Variants in PTH2R observed in about 807,000 individuals in gnomAD.
PTH2R encodes the protein parathyroid hormone 2 receptor.
Under a neutral mutation model 60.3 loss-of-function variants are expected in PTH2R, and 59 were observed. That is an observed-to-expected ratio of 0.98 (90% confidence interval 0.79 to 1.22). PTH2R has a LOEUF of 1.22. Among genes scored for constraint, PTH2R ranks in the 50% most tolerant of loss-of-function variants. PTH2R has a pLI of 0.00. For synonymous variants in PTH2R, 256 were observed against 243.8 expected (o/e 1.05, Z -0.47); for missense variants, 749 against 682.6 (o/e 1.10, Z -1.08).
At chr2:208,362,822 A>G (rs12991283) in intron 1 of PTH2R, among the ~76,000 whole-genome samples, 19,567 of 137,558 alleles carry the variant, frequency 0.14, 1,450 homozygotes, top group African/African-American at 0.22. Context: ...CTCTACATCC[A>G]TACCAACACT....
intron 7 of PTH2R, among the ~76,000 whole-genome samples, chr2:208,448,076 G>T (rs367652397): frequency 6.6e-6 from 1 of 152,030 alleles, no homozygotes; most frequent in Admixed American, 6.6e-5. Context: ...ATCTTACATA[G>T]AATATTTTCA....
intron 10 of PTH2R, among the ~76,000 whole-genome samples, chr2:208,482,324 C>A (rs1365279105): frequency 6.6e-6 from 1 of 152,170 alleles, no homozygotes; most frequent in African/African-American, 2.4e-5. Context: ...ATAGTGAAAG[C>A]TGGGTCCAGG....
chr2:208,400,862 G>A (rs537317912), intron 1 of PTH2R, among the ~76,000 whole-genome samples: 14 of 152,252 alleles, frequency 9.2e-5, no homozygotes, highest in Admixed American at 6.5e-4. Flanking sequence ...TTAACCAGAT[G>A]TATATGTATC....
At chr2:208,402,750 C>T (rs1336944257), upstream of PTH2R, among the ~76,000 whole-genome samples, 1 of 152,130 alleles carries the variant, frequency 6.6e-6, no homozygotes, top group East Asian at 1.9e-4. Context: ...TTGAGTGATC[C>T]TTTGGTTTAA....
chr2:208,363,166 C>G (rs1700512172), intron 1 of PTH2R, among the ~76,000 whole-genome samples: 1 of 151,992 alleles, frequency 6.6e-6, no homozygotes, highest in Non-Finnish European at 1.5e-5. Context: ...TTTTTTGACC[C>G]TCCCCCTTCT....
rs768931814 is a variant in PTH2R, at chr2:208,450,736, T to A, written c.854-13T>A. On this transcript the variant is annotated splice_polypyrimidine_tract_variant and intron_variant, in intron 7 of 12. Transcript: ENST00000272847. ...AAAATAAATCTAGTCTCTGAATCAT[T>A]TTCTGATTTCAGGGTTTCCAGCAGC... The A allele has an allele frequency of 1.5e-5, 25 of 1,613,242 alleles. No individual in the cohort carries two copies. The Admixed American group carries it at 4.2e-4, about 27-fold the overall frequency.
Position 208,443,511 on chromosome 2 carries a change from G to T in PTH2R, c.673G>T (p.Ala225Ser), listed in dbSNP as rs144641723. 3.0e-3 allele frequency: 4,825 copies of T among 1,609,616 alleles called. 10 individuals carry two copies. Among genetic ancestry groups the T allele is most frequent in the Middle Eastern group, 4.8e-3 (29 of 6,042 alleles). The change falls in exon 6 of 13, where the codon GCA becomes TCA. Residue 225 changes from alanine to serine, a missense_variant. Transcript: ENST00000272847. ...MQDDPQNSIEATSVDKSQYIG... is the reference protein window; with the variant it reads ...MQDDPQNSIESTSVDKSQYIG... ...GGATGACCCACAAAATTCCATTGAG[G>T]CAACTTCTGTGGACAAATCACAATA...
chr2:208,456,155 T>C (rs1212990017), intron 8 of PTH2R, among the ~76,000 whole-genome samples: 1 of 151,746 alleles, frequency 6.6e-6, no homozygotes, highest in Non-Finnish European at 1.5e-5. Context: ...GGCAGGAGAA[T>C]CGCCTGAACT....
chr2:208,488,257 A>G (rs930958583), intron 10 of PTH2R, among the ~76,000 whole-genome samples: 3 of 152,350 alleles, frequency 2.0e-5, no homozygotes, highest in South Asian at 2.1e-4. Flanking sequence ...GTCAAGATGA[A>G]CTGACCACAT....
chr2:208,484,119 T>C (rs1703221258), intron 10 of PTH2R, among the ~76,000 whole-genome samples: 1 of 152,210 alleles, frequency 6.6e-6, no homozygotes, highest in Non-Finnish European at 1.5e-5. Context: ...AATAAAACAA[T>C]ACAAAATTTC....
intron 10 of PTH2R, among the ~76,000 whole-genome samples, chr2:208,481,550 T>A (rs1419413354): frequency 6.6e-6 from 1 of 152,162 alleles, no homozygotes; most frequent in Non-Finnish European, 1.5e-5. Flanking sequence ...ATAAATTGAT[T>A]TGAAATATCT....
At chr2:208,457,747 T>C (rs1373501526) in intron 8 of PTH2R, among the ~76,000 whole-genome samples, 1 of 152,206 alleles carries the variant, frequency 6.6e-6, no homozygotes, top group African/African-American at 2.4e-5. Context: ...AATGGCTGTC[T>C]TTTTATATAG....
At chr2:208,462,087 A>AT (rs1275268023) in intron 9 of PTH2R, among the ~76,000 whole-genome samples, 2 of 152,174 alleles carry the variant, frequency 1.3e-5, no homozygotes, top group Non-Finnish European at 2.9e-5. Flanking sequence ...ACTAAGAGTT[A>AT]CCTTTTTGTT....
chr2:208,477,661 T>A (rs938861455), intron 9 of PTH2R, among the ~76,000 whole-genome samples: 3 of 152,080 alleles, frequency 2.0e-5, no homozygotes, highest in Non-Finnish European at 2.9e-5. Flanking sequence ...TTGCATTATT[T>A]TAAAACCATA....
chr2:208,458,895 A>G (rs973127438), intron 8 of PTH2R, among the ~76,000 whole-genome samples: 2 of 152,034 alleles, frequency 1.3e-5, no homozygotes, highest in Non-Finnish European at 2.9e-5. Flanking sequence ...TGCTATTGTG[A>G]ACAGTGCTGC....
intron 2 of PTH2R, among the ~76,000 whole-genome samples, chr2:208,432,044 G>A (rs1310592638): frequency 6.6e-6 from 1 of 152,166 alleles, no homozygotes. Context: ...TCTAAAGAAT[G>A]CTGATCCTAA....
At chr2:208,379,744 C>T (rs1385895301) in intron 1 of PTH2R, among the ~76,000 whole-genome samples, 3 of 151,752 alleles carry the variant, frequency 2.0e-5, no homozygotes, top group Non-Finnish European at 4.4e-5. Context: ...CCTGTAATCC[C>T]AGCTACTTGG....
intron 6 of PTH2R, 147 bp from the exon 7 acceptor site, chr2:208,444,587 G>T: frequency 1.9e-6 from 1 of 526,128 alleles, no homozygotes; most frequent in Non-Finnish European, 3.2e-6. Flanking sequence ...TAACTGTTTT[G>T]GCCTCTCAAC....
intron 7 of PTH2R, 100 bp downstream of exon 7, chr2:208,444,987 C>T: frequency 8.3e-7 from 1 of 1,203,774 alleles, no homozygotes; most frequent in Non-Finnish European, 1.2e-6. Context: ...TTTCCTGAAA[C>T]AATCCCTCCC....
Sources: allele counts gnomAD v4.1 joint callset (sites outside exome capture counted in the v4.1 genomes callset), GRCh38; gene constraint gnomAD v4.1.1; transcripts MANE v1.5; gene names NCBI Gene and HGNC (gene_info 2026-07-23, HGNC 2026-07-21).